The following TKTL1 variants were observed in gnomAD, a reference collection of about 807,000 sequenced individuals.
TKTL1 encodes transketolase-like protein 1.
Under a neutral mutation model 39.3 loss-of-function variants are expected in TKTL1, and 1 was observed. The observed-to-expected ratio is 0.03, with a 90% CI of 0.01 to 0.12. The LOEUF (loss-of-function observed/expected upper bound fraction) is 0.12. Ranked by LOEUF, TKTL1 falls within the 10% of genes least tolerant of loss-of-function variation. TKTL1 has a pLI of 1.00. For synonymous variants in TKTL1, 262 were observed against 193.8 expected (o/e 1.35, Z -2.92); for missense variants, 575 against 509.6 (o/e 1.13, Z -1.24).
chrX:154,320,280 G>C lies in TKTL1; in HGVS notation c.1030-477G>C, dbSNP rs191642437. The stretch of plus-strand genomic sequence containing the variant: ...GGCAATGACTATAGGCAAGTTTTGA[G>C]AAGTTTGCTGCGAAGGAGAACACAG... On this transcript the variant is annotated intron_variant, in intron 7 of 12. Transcript: ENST00000369915. 3.1e-3 allele frequency: 370 copies of C among 119,953 alleles called. 1 individual carries two copies. Among genetic ancestry groups the C allele is most frequent in the Non-Finnish European group, 3.7e-3 (213 of 58,004 alleles). The allele number at this position is 119,953 out of a possible 1,213,427, so 9.9% of individuals were successfully genotyped here.
chrX:154,318,465 C>A (rs1485984636), intron 7 of TKTL1, among the ~76,000 whole-genome samples: 1 of 106,455 alleles, frequency 9.4e-6, no homozygotes, highest in Non-Finnish European at 1.9e-5. Context: ...TTTGGGAGGC[C>A]GAGGCGGACG....
intron 6 of TKTL1, 83 bp from the exon 7 acceptor site, chrX:154,315,090 A>G: frequency 2.0e-6 from 2 of 987,470 alleles, no homozygotes; most frequent in Non-Finnish European, 2.8e-6. Context: ...TTGTCATTCT[A>G]CAATATGGTA....
rs782786577 is a variant in TKTL1 at position 154,327,825 on chromosome X, T to G, written c.1499-14T>G. ...TCTCTTTCTTGTACCAAGCTGGTTT[T>G]TGCTGTTCTGCAGATATTTTTATCC... is the stretch of plus-strand genomic sequence containing the variant. On this transcript the variant is annotated splice_polypyrimidine_tract_variant and intron_variant, in intron 11 of 12. Transcript: ENST00000369915. 4.1e-6 allele frequency: 5 copies of G among 1,210,020 alleles called. No homozygotes were observed. In the East Asian group the frequency reaches 1.5e-4, roughly 36 times the overall value.
intron 1 of TKTL1, among the ~76,000 whole-genome samples, chrX:154,298,220 C>CT (rs1192561752): frequency 7.6e-4 from 79 of 104,446 alleles, no homozygotes; most frequent in African/African-American, 1.8e-3. Flanking sequence ...CTTGATTGTA[C>CT]TTTTTTTTTT....
At chrX:154,301,185 T>C (rs782723280) in intron 1 of TKTL1, among the ~76,000 whole-genome samples, 6 of 111,167 alleles carry the variant, frequency 5.4e-5, no homozygotes, top group African/African-American at 2.0e-4. Context: ...CCTCATCCCA[T>C]TGTGGTTAGA....
intron 8 of TKTL1, among the ~76,000 whole-genome samples, chrX:154,322,259 C>T (rs1008456951): frequency 6.1e-5 from 6 of 99,112 alleles, no homozygotes; most frequent in Non-Finnish European, 1.0e-4. Context: ...AAAGCCAGAG[C>T]GGTGGCTCAC....
At chrX:154,314,609 T>TCTGCC (rs2067383108) in intron 6 of TKTL1, among the ~76,000 whole-genome samples, 1 of 110,860 alleles carries the variant, frequency 9.0e-6, no homozygotes, top group African/African-American at 3.3e-5. Context: ...CACTGCAACC[T>TCTGCC]CTGCCCCCGG....
chrX:154,310,851 C>T lies in TKTL1; in HGVS notation c.366C>T (p.Cys122=), dbSNP rs149965892. 5.6e-5 allele frequency: 68 copies of T among 1,209,108 alleles called. No individual in the cohort carries two copies. The African/African-American group carries it at 8.7e-4, about 16-fold the overall frequency. ...CTTGCTCCAGCTACCGGGTGTTCTGCCTCATGAGTGATGGCGAGTCCTCAG... is the reference window on the plus strand; with the variant it reads ...CTTGCTCCAGCTACCGGGTGTTCTGTCTCATGAGTGATGGCGAGTCCTCAG... ...YFDRASYRVF[C]LMSDGESSEG... Residue 122 remains cysteine (C), a synonymous_variant, in exon 4 of 13, where the codon TGC becomes TGT. Coordinates refer to ENST00000369915, the MANE Select transcript of TKTL1 (RefSeq NM_012253.4).
intron 8 of TKTL1, among the ~76,000 whole-genome samples, chrX:154,322,136 G>A (rs1161963313): frequency 1.9e-5 from 2 of 104,640 alleles, no homozygotes; most frequent in African/African-American, 7.0e-5. Flanking sequence ...AGGACGCTGA[G>A]ACAGGAGAAT....
chrX:154,323,558 C>T (rs782005052), intron 9 of TKTL1, among the ~76,000 whole-genome samples: 1 of 112,297 alleles, frequency 8.9e-6, no homozygotes, highest in Non-Finnish European at 1.9e-5. Context: ...ACCTGACAGC[C>T]TGTCTCAGTC....
intron 3 of TKTL1, among the ~76,000 whole-genome samples, chrX:154,309,662 C>G (rs1557167924): frequency 1.8e-5 from 2 of 111,445 alleles, no homozygotes; most frequent in African/African-American, 6.5e-5. Context: ...AAGGTTTCAG[C>G]TGCTGTTGCC....
In TKTL1 at chrX:154,330,195, C is replaced by G. The variant is rs2067527319; in HGVS notation, c.*507C>G. On this transcript the variant is annotated 3_prime_UTR_variant, in exon 13 of 13. Transcript: ENST00000369915. The stretch of plus-strand genomic sequence containing the variant: ...TGTGCTGCCATCCCACCTGCAGCTG[C>G]CCTGGAATTCCCTTCGCTGTTTGCC... 8.7e-6 allele frequency: 1 copy of G among 114,957 alleles called. No individual in the cohort carries two copies. Among genetic ancestry groups the G allele is most frequent in the Admixed American group, 9.1e-5 (1 of 11,029 alleles). 9.5% of individuals were successfully genotyped at this position (114,957 alleles called of 1,213,427 possible). A position where few individuals can be genotyped will look rare whatever the true frequency, so the allele number is the denominator to read the frequency against.
intron 1 of TKTL1, among the ~76,000 whole-genome samples, chrX:154,299,149 C>CTTTTTTTTTTTTTTTTTTTTTTT (rs1180562974): frequency 2.8e-5 from 1 of 35,927 alleles, no homozygotes; most frequent in Admixed American, 4.0e-4. Context: ...CTTTTTCTTT[C>CTTTTTTTTTTTTTTTTTTTTTTT]TTTTTTTTTT....
Position 154,320,762 on chromosome X carries a change from C to T in TKTL1, c.1035C>T (p.Ser345=), listed in dbSNP as rs368251920. Reference sequence around the variant, plus strand: ...TCATGTTCTCTGTGCTGCAGGTGAGCGTGGCTCTGGGCTGTGCCTCCCGTG... The same window carrying T: ...TCATGTTCTCTGTGCTGCAGGTGAGTGTGGCTCTGGGCTGTGCCTCCCGTG... ...ECFMAEQNMV[S]VALGCASRGR... Residue 345 remains serine, a synonymous_variant, in exon 8 of 13, where the codon AGC becomes AGT. Coordinates refer to ENST00000369915, the MANE Select transcript of TKTL1 (RefSeq NM_012253.4). 8.3e-7 allele frequency: 1 copy of T among 1,209,382 alleles called. No individual in the cohort carries two copies. Among genetic ancestry groups the T allele is most frequent in the African/African-American group, 1.7e-5 (1 of 57,162 alleles).
intron 7 of TKTL1, among the ~76,000 whole-genome samples, chrX:154,319,004 C>T (rs73629166): frequency 0.026 from 2,895 of 110,347 alleles, 96 homozygotes; most frequent in African/African-American, 0.088. Flanking sequence ...TTTTTCTGGA[C>T]TGAGATAGAA....
At chrX:154,298,791 C>G (rs2069718036) in intron 1 of TKTL1, among the ~76,000 whole-genome samples, 1 of 111,212 alleles carries the variant, frequency 9.0e-6, no homozygotes, top group African/African-American at 3.3e-5. Flanking sequence ...CTCCTGCTAG[C>G]TTTGGGTTTA....
intron 1 of TKTL1, among the ~76,000 whole-genome samples, chrX:154,303,642 C>T (rs2090118524): frequency 9.4e-6 from 1 of 106,735 alleles, no homozygotes; most frequent in Non-Finnish European, 1.9e-5. Flanking sequence ...TCCCAACTTC[C>T]CCCTCATCAT....
chrX:154,302,810 T>C (rs1372153451), intron 1 of TKTL1, among the ~76,000 whole-genome samples: 2 of 111,350 alleles, frequency 1.8e-5, no homozygotes, highest in Non-Finnish European at 3.8e-5. Context: ...AAAGAGAGAT[T>C]GGAGACACAC....
At chrX:154,304,567 G>GC (rs1256123551) in intron 1 of TKTL1, among the ~76,000 whole-genome samples, 1 of 109,594 alleles carries the variant, frequency 9.1e-6, no homozygotes, top group Admixed American at 9.6e-5. Context: ...CTGCACTCCA[G>GC]CCTGGGTGAC....
Sources: allele counts gnomAD v4.1 joint callset (sites outside exome capture counted in the v4.1 genomes callset), GRCh38; gene constraint gnomAD v4.1.1; transcripts MANE v1.5; gene names NCBI Gene and HGNC (gene_info 2026-07-23, HGNC 2026-07-21).